Variants in KIF24 observed in about 807,000 individuals in gnomAD.
KIF24 encodes the protein kinesin family member 24.
Under a neutral mutation model 118.9 loss-of-function variants are expected in KIF24, and 81 were observed. The ratio of observed to expected loss-of-function variants is 0.68; its 90% confidence interval spans 0.57 to 0.82. The LOEUF is 0.82. Among genes scored for constraint, KIF24 ranks in the 40% least tolerant of loss-of-function variants. The pLI is 0.00. For synonymous variants in KIF24, 599 were observed against 610.0 expected, an observed-to-expected ratio of 0.98 and a Z score of 0.27; for missense variants, 1,560 against 1,661.6, an observed-to-expected ratio of 0.94 and a Z score of 1.06.
chr9:34,311,299 C>A lies in KIF24; in HGVS notation c.48G>T (p.Gln16His), dbSNP rs754596043. 3.7e-6 allele frequency: 6 copies of A among 1,604,436 alleles called. No homozygotes were observed. The East Asian group carries it at 1.3e-4, about 36-fold the overall frequency. Reference sequence around the variant, plus strand: ...CAAGGGCAGTGAAATGAGAATAATACTGTGCAAGTTCAGCTTCACAAAGAC... The same window carrying A: ...CAAGGGCAGTGAAATGAGAATAATAATGTGCAAGTTCAGCTTCACAAAGAC... ...YECLCEAELA[Q>H]YYSHFTALGL... Residue 16 changes from glutamine (Q) to histidine (H), a missense_variant, in exon 2 of 13, where the codon CAG becomes CAT. Around this residue, in one of 3 missense-constraint regions of KIF24, gnomAD observed 964 missense variants for 988.0 expected, o/e 0.98. Transcript: ENST00000402558.
At chr9:34,319,771 G>A (rs1837455127) in intron 1 of KIF24, 2 of 589,164 alleles carry the variant, frequency 3.4e-6, no homozygotes, top group African/African-American at 1.8e-5. Flanking sequence ...GGGTGGGGGT[G>A]GACAAACAAA....
In KIF24 at chr9:34,271,804, C is replaced by T; in HGVS notation, c.1337+5G>A. On this transcript the variant is annotated splice_donor_5th_base_variant and intron_variant, in intron 7 of 12. Transcript: ENST00000402558. ...CAATGTAACTCCCTGATATTTCCAG[C>T]TCACCTGCCAAATGTCCTCTTGGCT... 6.2e-7 allele frequency: 1 copy of T among 1,612,494 alleles called. No homozygotes were observed. Among genetic ancestry groups the T allele is most frequent in the Non-Finnish European group, 8.5e-7 (1 of 1,179,356 alleles).
chr9:34,296,623 A>G (rs534446122), intron 4 of KIF24, among the ~76,000 whole-genome samples: 42 of 152,278 alleles, frequency 2.8e-4, no homozygotes, highest in Middle Eastern at 3.4e-3. Flanking sequence ...ACTAAACTAT[A>G]GCCAGAATAC....
At chr9:34,306,055 G>A (rs934520729) in intron 3 of KIF24, among the ~76,000 whole-genome samples, 197 bp downstream of exon 3, 6 of 151,836 alleles carry the variant, frequency 4.0e-5, no homozygotes, top group Non-Finnish European at 5.9e-5. Context: ...CTATTGCACC[G>A]TCTTTTGAAA....
intron 3 of KIF24, among the ~76,000 whole-genome samples, chr9:34,300,850 CAAAAAAAAAAAA>C (rs57919845): frequency 9.5e-6 from 1 of 105,676 alleles, no homozygotes. Context: ...CGGCATTTCT[CAAAAAAAAAAAA>C]AAAAAAAAAA....
chr9:34,311,668 A>G (rs1240014837), intron 1 of KIF24, among the ~76,000 whole-genome samples: 6 of 103,858 alleles, frequency 5.8e-5, no homozygotes, highest in Non-Finnish European at 1.2e-4. Flanking sequence ...ATACATATAT[A>G]CGTGTATATG....
chr9:34,261,242 T>A (rs1375303005), intron 9 of KIF24, among the ~76,000 whole-genome samples: 1 of 152,098 alleles, frequency 6.6e-6, no homozygotes, highest in Non-Finnish European at 1.5e-5. Flanking sequence ...CTCCTAGACA[T>A]CTCTCTACCT....
At chr9:34,261,995 G>A (rs1182676516) in intron 9 of KIF24, among the ~76,000 whole-genome samples, 2 of 152,016 alleles carry the variant, frequency 1.3e-5, no homozygotes, top group African/African-American at 4.8e-5. Flanking sequence ...GTGCAGTGGC[G>A]TGCTCACAAT....
intron 1 of KIF24, among the ~76,000 whole-genome samples, chr9:34,320,527 G>A (rs77025004): frequency 0.17 from 25,722 of 150,362 alleles, 2,517 homozygotes; most frequent in East Asian, 0.45. Context: ...GCATGGTGGC[G>A]GGCACCTGTA....
intron 5 of KIF24, 121 bp from the exon 6 acceptor site, chr9:34,286,825 G>A (rs1007983729): frequency 1.4e-6 from 1 of 695,776 alleles, no homozygotes; most frequent in African/African-American, 1.7e-5. Context: ...GAGTGGGATG[G>A]ATGCTTATCC....
At position 34,257,501 on chromosome 9, in the gene KIF24, C is replaced by A. The variant is rs1391145262; in HGVS notation, c.2106G>T (p.Lys702Asn). ...EGLVRGKLST[K>N]CKKVQTVQPV... ...GCTGCACTGTCTGCACTTTCTTGCACTTGGTGGACAGCTTACCACGCACTA... is the reference window on the plus strand; with the variant it reads ...GCTGCACTGTCTGCACTTTCTTGCAATTGGTGGACAGCTTACCACGCACTA... Residue 702 changes from lysine (K) to asparagine (N), a missense_variant, in exon 11 of 13, where the codon AAG (lysine) becomes AAT (asparagine). Physicochemically the swap from Lys to Asn is moderately conservative, Grantham distance 94. Transcript: ENST00000402558. 3 of 1,613,952 alleles carry A rather than the reference C, an allele frequency of 1.9e-6. No homozygotes were observed. The African/African-American group carries it at 4.0e-5, about 22-fold the overall frequency.
chr9:34,285,769 C>T (rs1246584171), intron 6 of KIF24, among the ~76,000 whole-genome samples: 2 of 130,556 alleles, frequency 1.5e-5, no homozygotes, highest in African/African-American at 6.0e-5. Flanking sequence ...AGTGAGACTC[C>T]ATCTCAAAAA....
chr9:34,260,135 G>C (rs1397151667), intron 9 of KIF24, among the ~76,000 whole-genome samples: 1 of 152,140 alleles, frequency 6.6e-6, no homozygotes, highest in Admixed American at 6.5e-5. Context: ...GAGGCAGGAG[G>C]ATCGCTTGAG....
chr9:34,319,478 C>T (rs1365343196), intron 1 of KIF24: 2 of 1,286,886 alleles, frequency 1.6e-6, no homozygotes, highest in Non-Finnish European at 1.1e-6. Context: ...TTGAGTTGGA[C>T]ACAGACGGCA....
At chr9:34,272,006 C>A (rs999738105) in intron 6 of KIF24, 76 bp from the exon 7 acceptor site, 2 of 1,332,188 alleles carry the variant, frequency 1.5e-6, no homozygotes, top group Admixed American at 5.2e-5. Context: ...TGGCTAAGAG[C>A]AGTAGACAGC....
At chr9:34,290,603 T>TC (rs1404630010) in intron 4 of KIF24, among the ~76,000 whole-genome samples, 2 of 151,870 alleles carry the variant, frequency 1.3e-5, no homozygotes, top group African/African-American at 4.8e-5. Flanking sequence ...TTTCCTTTTT[T>TC]TTTTTTTTTG....
intron 7 of KIF24, among the ~76,000 whole-genome samples, chr9:34,270,146 G>A (rs1355539509): frequency 4.0e-5 from 6 of 151,614 alleles, no homozygotes; most frequent in African/African-American, 4.8e-5. Flanking sequence ...ACTTGAACCC[G>A]GGAGGCGGAG....
At chr9:34,326,058 A>G (rs572413578) in intron 1 of KIF24, among the ~76,000 whole-genome samples, 4 of 152,268 alleles carry the variant, frequency 2.6e-5, no homozygotes, top group African/African-American at 9.6e-5. Flanking sequence ...ATATAAGTGA[A>G]CAAAACAGAC....
Position 34,306,373 on chromosome 9 carries a change from C to T in KIF24, c.692G>A (p.Arg231His), listed in dbSNP as rs201640747. Residue 231 changes from arginine to histidine, a missense_variant, in exon 3 of 13, where the codon CGC becomes CAC. Physicochemically the swap from Arg to His is conservative, Grantham distance 29 (BLOSUM62 0). Around this residue, in one of 3 missense-constraint regions of KIF24, gnomAD observed 964 missense variants for 988.0 expected, o/e 0.98. Transcript: ENST00000402558. Reference sequence around the variant, plus strand: ...ACGTACCTCCCTCATGCCCAGGGGGCGTTTTCGAACACAAACTCTGATTTT... The same window carrying T: ...ACGTACCTCCCTCATGCCCAGGGGGTGTTTTCGAACACAAACTCTGATTTT... ...MEKIRVCVRKRPLGMREVRRG... is the reference protein window; with the variant it reads ...MEKIRVCVRKHPLGMREVRRG... 1.2e-6 allele frequency: 2 copies of T among 1,612,318 alleles called. No homozygotes were observed. Among genetic ancestry groups the T allele is most frequent in the Admixed American group, 1.7e-5 (1 of 59,906 alleles).
Sources: gnomAD v4.1 joint callset for allele counts (sites outside exome capture counted in the v4.1 genomes callset) on GRCh38, gnomAD v4.1.1 for gene constraint, gnomAD v4.1.1 regional missense constraint, MANE v1.5 for transcripts, NCBI Gene and HGNC (gene_info 2026-07-23, HGNC 2026-07-21) for gene names.